MED1: variants seen among roughly 807,000 people sequenced by gnomAD.
The protein encoded by MED1 is mediator of RNA polymerase II transcription subunit 1.
MED1 carries 17 observed loss-of-function variants against 121.3 expected under a neutral mutation model. The observed-to-expected ratio is 0.14, with a 90% CI of 0.10 to 0.21. The LOEUF (loss-of-function observed/expected upper bound fraction) is 0.21. MED1 is among the 10% of genes least tolerant of loss of function. MED1 has a pLI of 1.00. For missense variants in MED1, 1,558 were observed against 1,919.4 expected (o/e 0.81, Z 3.52); for synonymous variants, 661 against 694.4 (o/e 0.95, Z 0.76).
chr17:39,426,843 T>G (rs944830874), intron 10 of MED1, among the ~76,000 whole-genome samples: 27 of 152,008 alleles, frequency 1.8e-4, no homozygotes, highest in African/African-American at 6.5e-4. Context: ...AGTCTATCTC[T>G]CTTTATCTTT....
intron 14 of MED1, 113 bp downstream of exon 14, chr17:39,419,600 GAAAA>G (rs369221829): frequency 1.0e-4 from 84 of 829,294 alleles, no homozygotes; most frequent in Non-Finnish European, 1.4e-4. Flanking sequence ...TGCCAAATAT[GAAAA>G]AAAAAAAACT....
At chr17:39,414,338 AT>A (rs751757759) in intron 16 of MED1, among the ~76,000 whole-genome samples, 327 of 142,112 alleles carry the variant, frequency 2.3e-3, no homozygotes, top group Admixed American at 2.2e-3. Flanking sequence ...TGAAAACAAC[AT>A]TTTTTTTTTT....
chr17:39,407,490 G>A lies in MED1; in HGVS notation c.4731C>T (p.Ala1577=), dbSNP rs770715033. 6.2e-7 allele frequency: 1 copy of A among 1,604,658 alleles called. No individual in the cohort carries two copies. The highest frequency in any genetic ancestry group is 1.1e-5 in the South Asian group (1 of 89,698). Reference sequence around the variant, plus strand: ...AATAAGGTTCCTAATTCCCAATCAGGGCCACATCCATAAGATCATCATCTT... The same window carrying A: ...AATAAGGTTCCTAATTCCCAATCAGAGCCACATCCATAAGATCATCATCTT... ...GEEDDDLMDV[A]LIGN The change falls in exon 17 of 17, where the codon GCC becomes GCT. Residue 1577 remains alanine, a synonymous_variant. Transcript: ENST00000300651.
intron 16 of MED1, among the ~76,000 whole-genome samples, chr17:39,411,251 G>A (rs947545755): frequency 2.6e-5 from 4 of 151,706 alleles, no homozygotes; most frequent in Non-Finnish European, 5.9e-5. Flanking sequence ...CAAGGGAGGC[G>A]GAGGTTGCAT....
At chr17:39,436,680 G>A (rs536076263) in intron 6 of MED1, among the ~76,000 whole-genome samples, 3 of 152,078 alleles carry the variant, frequency 2.0e-5, no homozygotes, top group Admixed American at 6.6e-5. Context: ...AAATCAAAGC[G>A]AAAAAGTTAT....
chr17:39,426,630 G>A (rs76555104), intron 10 of MED1, among the ~76,000 whole-genome samples: 2,009 of 151,058 alleles, frequency 0.013, 23 homozygotes, highest in Middle Eastern at 0.021. Context: ...CGCCTCCCAG[G>A]TTCAAGCGAT....
Position 39,409,874 on chromosome 17 carries a change from G to A in MED1, c.2347C>T (p.Leu783Phe). The change falls in exon 17 of 17, where the codon CTT becomes TTT. Residue 783 changes from leucine (L) to phenylalanine (F), a missense_variant. Around this residue, in one of 5 missense-constraint regions of MED1, gnomAD observed 793 missense variants for 898.2 expected, o/e 0.88. Transcript: ENST00000300651. ...DSIGPDVTDI[L>F]SDIAEEASKL... Reference sequence around the variant, plus strand: ...GAAGCTTCTTCTGCAATGTCTGAAAGGATGTCAGTTACATCTGGGCCAATG... The same window carrying A: ...GAAGCTTCTTCTGCAATGTCTGAAAAGATGTCAGTTACATCTGGGCCAATG... 6.2e-7 allele frequency: 1 copy of A among 1,614,144 alleles called. No individual in the cohort carries two copies. Among genetic ancestry groups the A allele is most frequent in the Admixed American group, 1.7e-5 (1 of 60,020 alleles).
chr17:39,431,931 AG>A lies in MED1; in HGVS notation c.575+10del. The A allele has an allele frequency of 6.4e-7, 1 of 1,569,778 alleles. No homozygotes were observed. Among genetic ancestry groups the A allele is most frequent in the Non-Finnish European group, 8.8e-7 (1 of 1,140,040 alleles). ...AGGGATCATGTAGAATTAAGGTTTT[AG>A]CAGTCTTACCAGTACATAATTGCCA... On this transcript the variant is annotated intron_variant, in intron 8 of 16. Coordinates refer to ENST00000300651, the MANE Select transcript of MED1 (RefSeq NM_004774.4).
chr17:39,430,536 C>CA (rs1197932887), intron 9 of MED1, among the ~76,000 whole-genome samples: 1 of 150,128 alleles, frequency 6.7e-6, no homozygotes, highest in Non-Finnish European at 1.5e-5. Context: ...CTAAAAAATA[C>CA]AAAAAAATTA....
At position 39,408,352 on chromosome 17, in the gene MED1, G is replaced by T; in HGVS notation, c.3869C>A (p.Ser1290Tyr). ...GTTTCTGCTGGGAGATTTTCCTTTA[G>T]AACTCCCATGCTGGTTCTGAGAGGA... ...MSSSQNQHGS[S>Y]KGKSPSRNKK... The change falls in exon 17 of 17, where the codon TCT (serine) becomes TAT (tyrosine). Residue 1290 changes from serine to tyrosine, a missense_variant. Ser to Tyr is a moderately radical substitution (Grantham distance 144). This residue lies in a region of MED1 where 793 missense variants were observed against 898.2 expected (regional missense o/e 0.88). Transcript: ENST00000300651. This position sits in a 1 kb window ranked among gnomAD's most constrained non-coding sequence, Gnocchi z 4.7. 6.2e-7 allele frequency: 1 copy of T among 1,614,126 alleles called. No individual in the cohort carries two copies. Among genetic ancestry groups the T allele is most frequent in the Non-Finnish European group, 8.5e-7 (1 of 1,180,046 alleles).
At chr17:39,442,006 G>C (rs1055590690) in intron 3 of MED1, among the ~76,000 whole-genome samples, 1 of 148,462 alleles carries the variant, frequency 6.7e-6, no homozygotes, top group South Asian at 2.1e-4. Context: ...AGGAGGCTGA[G>C]GCAGAACAAT....
At chr17:39,416,466 C>T (rs1325041097) in intron 14 of MED1, among the ~76,000 whole-genome samples, 1 of 152,156 alleles carries the variant, frequency 6.6e-6, no homozygotes, top group Non-Finnish European at 1.5e-5. Flanking sequence ...GCAGCCTAGA[C>T]ACAAGGATCA....
chr17:39,418,443 G>A (rs1226739234), intron 14 of MED1, among the ~76,000 whole-genome samples: 1 of 151,880 alleles, frequency 6.6e-6, no homozygotes. Flanking sequence ...TAAGGCAGGA[G>A]GATCGCTTGA....
At chr17:39,442,259 G>A (rs2048682660) in intron 3 of MED1, among the ~76,000 whole-genome samples, 1 of 151,920 alleles carries the variant, frequency 6.6e-6, no homozygotes, top group Admixed American at 6.6e-5. Context: ...TGCTTTCCTG[G>A]AAATTTGCTC....
At chr17:39,436,564 TAAAAG>T (rs888184754) in intron 6 of MED1, among the ~76,000 whole-genome samples, 14 of 152,058 alleles carry the variant, frequency 9.2e-5, no homozygotes, top group Non-Finnish European at 4.4e-5. Context: ...TCCACTCAAT[TAAAAG>T]AAAAGTGAAA....
chr17:39,406,007 G>A lies in MED1; in HGVS notation c.*1468C>T. 5 of 985,436 alleles carry A rather than the reference G, an allele frequency of 5.1e-6. No individual in the cohort carries two copies. Among genetic ancestry groups the A allele is most frequent in the Non-Finnish European group, 6.0e-6 (5 of 829,922 alleles). The allele number at this position is 985,436 out of a possible 1,614,324, so 61.0% of individuals were successfully genotyped here. A position where few individuals can be genotyped will look rare whatever the true frequency, so the allele number is the denominator to read the frequency against. ...AATAATCAGGAATGGCACAGTGCAGGTGTCAATATCAAAGTAAGGCCGCAG... is the reference window on the plus strand; with the variant it reads ...AATAATCAGGAATGGCACAGTGCAGATGTCAATATCAAAGTAAGGCCGCAG... On this transcript the variant is annotated 3_prime_UTR_variant, in exon 17 of 17. Transcript: ENST00000300651.
At chr17:39,429,559 G>A (rs1308295986) in intron 9 of MED1, among the ~76,000 whole-genome samples, 4 of 151,654 alleles carry the variant, frequency 2.6e-5, no homozygotes, top group South Asian at 2.1e-4. Context: ...AGCTGGGCAC[G>A]GTGGCACGTG....
intron 13 of MED1, among the ~76,000 whole-genome samples, chr17:39,423,031 A>C (rs573520374): frequency 1.3e-5 from 2 of 150,862 alleles, no homozygotes; most frequent in East Asian, 2.0e-4. Context: ...ACACACGGCT[A>C]ATTTTTTGTA....
rs369612086 is a variant in MED1 at position 39,409,358 on chromosome 17, C to G, written c.2863G>C (p.Gly955Arg). The change falls in exon 17 of 17, where the codon GGT becomes CGT. Residue 955 changes from glycine (G) to arginine (R), a missense_variant. Gly to Arg is a moderately radical substitution (Grantham distance 125). Transcript: ENST00000300651. ...DLMEHHSGSQ[G>R]PLLTTGDLGK... The stretch of plus-strand genomic sequence containing the variant: ...AAGTCCCCAGTGGTCAGTAAAGGAC[C>G]CTGACTACCACTGTGATGCTCCATA... The G allele has an allele frequency of 2.5e-6, 4 of 1,613,972 alleles. No individual in the cohort carries two copies. The highest frequency in any genetic ancestry group is 3.4e-6 in the Non-Finnish European group (4 of 1,179,990).
Sources: gnomAD v4.1 joint callset for allele counts (sites outside exome capture counted in the v4.1 genomes callset) on GRCh38, gnomAD v4.1.1 for gene constraint, gnomAD v4.1.1 regional missense constraint, Gnocchi (gnomAD v3.1) non-coding constraint, MANE v1.5 for transcripts, NCBI Gene and HGNC (gene_info 2026-07-23, HGNC 2026-07-21) for gene names.